DNAH2: variants seen among roughly 807,000 people sequenced by gnomAD.
The protein encoded by DNAH2 is axonemal beta dynein heavy chain 2.
In DNAH2, 323 loss-of-function variants were observed where a neutral mutation model predicts 523.5. The ratio of observed to expected loss-of-function variants is 0.62; its 90% CI spans 0.56 to 0.68. The LOEUF is 0.68. DNAH2 is among the 30% of genes least tolerant of loss of function. The pLI is 0.00. For missense variants in DNAH2, 4,907 were observed against 5,701.5 expected (o/e 0.86, Z 4.49); for synonymous variants, 2,093 against 2,177.4 (o/e 0.96, Z 1.08).
intron 7 of DNAH2, among the ~76,000 whole-genome samples, chr17:7,735,351 A>G (rs375601498): frequency 6.6e-6 from 1 of 152,166 alleles, no homozygotes; most frequent in East Asian, 1.9e-4. Context: ...GGCTGGTCTC[A>G]AATGCCTGAC....
Position 7,801,922 on chromosome 17 carries a change from AG to A in DNAH2, c.8878del (p.Val2960Ter), listed in dbSNP as rs2077234656. 1.2e-6 allele frequency: 2 copies of A among 1,614,108 alleles called. No individual in the cohort carries two copies. Among genetic ancestry groups the A allele is most frequent in the Non-Finnish European group, 1.7e-6 (2 of 1,180,048 alleles). ...AGATCTTTGTCACTATGCACTGGTC[AG>A]TAGCTCAGTATTCCCAGAAGATGCT... ...AQIFVTMHWS[V>X]AQYSQKMLLE... is the part of the protein sequence containing the mutation. On this transcript the variant is annotated frameshift_variant, in exon 58 of 86. Coordinates refer to ENST00000572933, the MANE Select transcript of DNAH2 (RefSeq NM_020877.5). LOFTEE classifies it high-confidence loss of function.
chr17:7,739,597 T>G, intron 8 of DNAH2, 136 bp from the exon 9 acceptor site: 3 of 874,068 alleles, frequency 3.4e-6, no homozygotes, highest in Non-Finnish European at 5.1e-6. Context: ...TTTTTAGATA[T>G]TTTCTTCTTC....
At chr17:7,757,376 TC>T in intron 13 of DNAH2, 139 bp downstream of exon 13, 1 of 1,144,642 alleles carries the variant, frequency 8.7e-7, no homozygotes, top group South Asian at 1.6e-5. Context: ...AAAAATTGTC[TC>T]CCACTCTTAC....
intron 28 of DNAH2, 52 bp downstream of exon 28, chr17:7,771,520 T>C: frequency 6.2e-7 from 1 of 1,602,088 alleles, no homozygotes; most frequent in Non-Finnish European, 8.5e-7. Flanking sequence ...GCACTCTGCT[T>C]GGTCATGGTT....
In DNAH2 at chr17:7,719,862, A is replaced by T; in HGVS notation, c.128A>T (p.Glu43Val). The change falls in exon 2 of 86, where the codon GAG becomes GTG. Residue 43 changes from glutamate to valine, a missense_variant. Around this residue, in one of 3 missense-constraint regions of DNAH2, gnomAD observed 2,806 missense variants for 3,190.8 expected, o/e 0.88. Coordinates refer to ENST00000572933, the MANE Select transcript of DNAH2 (RefSeq NM_020877.5). ...CAGGGGAATGCCCCGGCTGTCAGTG[A>T]GCCAGAGCTGCAGGCTGAGCTCCCC... The part of the protein sequence containing the change: ...QEQGNAPAVS[E>V]PELQAELPKE... The T allele has an allele frequency of 1.3e-6, 2 of 1,591,510 alleles. No homozygotes were observed. The highest frequency in any genetic ancestry group is 8.6e-7 in the Non-Finnish European group (1 of 1,168,744).
intron 10 of DNAH2, 124 bp from the exon 11 acceptor site, chr17:7,740,686 C>G: frequency 6.5e-7 from 1 of 1,530,598 alleles, no homozygotes; most frequent in Non-Finnish European, 8.8e-7. Context: ...TTCTTCTGTT[C>G]CCTGGCTTCG....
At position 7,793,008 on chromosome 17, in the gene DNAH2, A is replaced by G. The variant is rs2076942400; in HGVS notation, c.7372A>G (p.Ile2458Val). Reference sequence around the variant, plus strand: ...CACATCCAATAACGTGCAGAGCATCATTGAGAGCAGGGTTGAGAAGCGAAC... The same window carrying G: ...CACATCCAATAACGTGCAGAGCATCGTTGAGAGCAGGGTTGAGAAGCGAAC... ...QTTSNNVQSI[I>V]ESRVEKRTKG... Residue 2458 changes from isoleucine to valine, a missense_variant, in exon 48 of 86, where the codon ATT becomes GTT. Coordinates refer to ENST00000572933, the MANE Select transcript of DNAH2 (RefSeq NM_020877.5). The G allele has an allele frequency of 6.8e-6, 11 of 1,613,502 alleles. No homozygotes were observed. The highest frequency in any genetic ancestry group is 9.3e-6 in the Non-Finnish European group (11 of 1,179,518).
intron 63 of DNAH2, among the ~76,000 whole-genome samples, chr17:7,815,455 T>C (rs544640587): frequency 6.6e-6 from 1 of 152,312 alleles, no homozygotes; most frequent in Admixed American, 6.5e-5. Context: ...ATACAGTCTG[T>C]AACCAGGCAC....
chr17:7,776,671 G>T, intron 31 of DNAH2, 108 bp from the exon 32 acceptor site: 2 of 782,184 alleles, frequency 2.6e-6, no homozygotes. Flanking sequence ...AGCAGATTGG[G>T]TGCAGTTGGG....
chr17:7,739,131 C>T (rs1389174976), intron 8 of DNAH2: 4 of 601,568 alleles, frequency 6.6e-6, no homozygotes, highest in Admixed American at 2.3e-5. Flanking sequence ...TATGGCCAGG[C>T]GCGGTGGCTC....
chr17:7,740,434 T>G lies in DNAH2; in HGVS notation c.1391T>G (p.Ile464Ser). 1 of 1,614,168 alleles carries G rather than the reference T, an allele frequency of 6.2e-7. No individual in the cohort carries two copies. The highest frequency in any genetic ancestry group is 1.7e-5 in the Admixed American group (1 of 60,022). Residue 464 changes from isoleucine (I) to serine (S), a missense_variant, in exon 10 of 86, where the codon ATC becomes AGC. Transcript: ENST00000572933. ...CACCGGTGCAGGTTCCGTGCCGGAA[T>G]CAAGGACCTGGAGGTGATGACCCAG... ...HEDYNKFRAG[I>S]KDLEVMTQNL...
chr17:7,824,513 A>C, intron 76 of DNAH2, 24 bp from the exon 77 acceptor site: 2 of 1,516,098 alleles, frequency 1.3e-6, no homozygotes, highest in Non-Finnish European at 1.8e-6. Context: ...AATGATTCCC[A>C]CTGACCCTGG....
intron 12 of DNAH2, among the ~76,000 whole-genome samples, chr17:7,750,671 T>G (rs2075658127): frequency 6.6e-6 from 1 of 152,192 alleles, no homozygotes. Flanking sequence ...TGCCTGGTGA[T>G]TCATTGCTCA....
At chr17:7,789,742 A>G (rs1161618566) in intron 44 of DNAH2, among the ~76,000 whole-genome samples, 1 of 151,926 alleles carries the variant, frequency 6.6e-6, no homozygotes, top group Non-Finnish European at 1.5e-5. Flanking sequence ...ACACCCAGCT[A>G]ATTTTTTGTA....
intron 44 of DNAH2, among the ~76,000 whole-genome samples, chr17:7,790,361 C>T (rs1029308020): frequency 6.6e-6 from 1 of 151,242 alleles, no homozygotes; most frequent in African/African-American, 2.4e-5. Flanking sequence ...TAGCTGGGAC[C>T]GCAGGCGTGC....
Position 7,828,385 on chromosome 17 carries a change from G to A in DNAH2, c.11854-1915G>A, listed in dbSNP as rs890003814. On this transcript the variant is annotated intron_variant, in intron 77 of 85. Transcript: ENST00000572933. This position sits in a 1 kb window ranked among gnomAD's most constrained non-coding sequence, Gnocchi z 4.1. ...TAAAAAAATTCTATTCATCAGTTTG[G>A]GGAAAATTCACATCCTTAGAACAAT... is the stretch of plus-strand genomic sequence containing the variant. Among the ~76,000 whole-genome samples the A allele has an allele frequency of 1.3e-5, 2 of 151,834 alleles. No homozygotes were observed. The highest frequency in any genetic ancestry group is 4.8e-5 in the African/African-American group (2 of 41,248).
At chr17:7,829,659 T>C (rs1403608855) in intron 77 of DNAH2, among the ~76,000 whole-genome samples, 1 of 152,132 alleles carries the variant, frequency 6.6e-6, no homozygotes, top group South Asian at 2.1e-4. Flanking sequence ...TACTTATCTT[T>C]GTTCATTTTT....
intron 2 of DNAH2, among the ~76,000 whole-genome samples, chr17:7,722,648 A>G (rs577562455): frequency 2.2e-5 from 3 of 138,898 alleles, no homozygotes; most frequent in African/African-American, 7.4e-5. Context: ...GTGGTCTCTC[A>G]TGACTGGCTT....
rs1309423863 is a variant in DNAH2, at chr17:7,786,280, A to T, written c.6286A>T (p.Ile2096Phe). The change falls in exon 40 of 86, where the codon ATT (isoleucine) becomes TTT (phenylalanine). Residue 2096 changes from isoleucine to phenylalanine, a missense_variant. By Grantham distance (21) the Ile-to-Phe change is conservative. Around this residue, in one of 3 missense-constraint regions of DNAH2, gnomAD observed 2,806 missense variants for 3,190.8 expected, o/e 0.88. Transcript: ENST00000572933. This position sits in a 1 kb window ranked among gnomAD's most constrained non-coding sequence, Gnocchi z 7.5. Reference sequence around the variant, plus strand: ...CAGCGGCAAGACTGCCTCATGGCGCATTCTACAGGCCTCCCTGTCCTCTCT... The same window carrying T: ...CAGCGGCAAGACTGCCTCATGGCGCTTTCTACAGGCCTCCCTGTCCTCTCT... ...TGSGKTASWR[I>F]LQASLSSLCR... 2 of 1,613,936 alleles carry T rather than the reference A, an allele frequency of 1.2e-6. No homozygotes were observed. Among genetic ancestry groups the T allele is most frequent in the Non-Finnish European group, 1.7e-6 (2 of 1,179,990 alleles).
Sources: gnomAD v4.1 joint callset for allele counts (sites outside exome capture counted in the v4.1 genomes callset) on GRCh38, gnomAD v4.1.1 for gene constraint, gnomAD v4.1.1 regional missense constraint, Gnocchi (gnomAD v3.1) non-coding constraint, MANE v1.5 for transcripts, NCBI Gene and HGNC (gene_info 2026-07-23, HGNC 2026-07-21) for gene names.